The following MRRF variants were observed in gnomAD, a reference collection of about 807,000 sequenced individuals.
MRRF encodes the protein mitochondrial ribosome recycling factor.
A neutral mutation model predicts 25.1 loss-of-function variants in MRRF; 18 were observed. That is an observed-to-expected ratio of 0.72 (90% CI 0.50 to 1.06). MRRF has a LOEUF of 1.06. Among genes scored for constraint, MRRF ranks in the 50% least tolerant of loss-of-function variants. The probability of loss-of-function intolerance (pLI) is 0.00; values close to 1 mark genes in which losing one functional copy is unlikely to be tolerated. For synonymous variants in MRRF, 113 were observed against 112.1 expected, an observed-to-expected ratio of 1.01 and a Z score of -0.05; for missense variants, 323 against 319.3, an observed-to-expected ratio of 1.01 and a Z score of -0.09.
intron 1 of MRRF, among the ~76,000 whole-genome samples, chr9:122,267,974 C>T (rs1280280595): frequency 1.3e-5 from 2 of 152,204 alleles, no homozygotes; most frequent in Admixed American, 1.3e-4. Context: ...TTCCAGACTG[C>T]GTCCAAAGCT....
rs368886881 is a variant in MRRF, at chr9:122,280,501, T to C, written c.243T>C (p.Asp81=). 76 of 1,613,928 alleles carry C rather than the reference T, an allele frequency of 4.7e-5. No homozygotes were observed. Among genetic ancestry groups the C allele is most frequent in the Non-Finnish European group, 6.0e-5 (71 of 1,179,920 alleles). ...ATATTAATGCTGCCTTGGTTGAGGA[T>C]ATAATCAACTTGGAAGAGGTGAATG... ...RVNINAALVE[D]IINLEEVNEE... Residue 81 remains aspartate, a synonymous_variant, in exon 3 of 7, where the codon GAT becomes GAC. Transcript: ENST00000344641.
intron 1 of MRRF, among the ~76,000 whole-genome samples, chr9:122,268,404 C>G (rs1388578228): frequency 6.6e-6 from 1 of 152,114 alleles, no homozygotes; most frequent in Non-Finnish European, 1.5e-5. Context: ...ACCCTGTAGA[C>G]TAAAATAAAA....
At position 122,325,660 on chromosome 9, in the gene MRRF, G is replaced by A. The variant is rs1176222291; in HGVS notation, c.*3043G>A. ...TGTGTGTGTGTGTGTGTGTGTGTGT[G>A]TGTGTGTGTGTGTGTGTGTGTGTGT... is the stretch of plus-strand genomic sequence containing the variant. On this transcript the variant is annotated 3_prime_UTR_variant, in exon 7 of 7. Coordinates refer to ENST00000344641, the MANE Select transcript of MRRF (RefSeq NM_138777.5). 6.7e-6 allele frequency: 1 copy of A among 149,278 alleles called. No individual in the cohort carries two copies. Among genetic ancestry groups the A allele is most frequent in the East Asian group, 2.0e-4 (1 of 5,110 alleles). 9.2% of individuals were successfully genotyped at this position (149,278 alleles called of 1,614,324 possible). A position where few individuals can be genotyped will look rare whatever the true frequency, so the allele number is the denominator to read the frequency against.
intron 6 of MRRF, among the ~76,000 whole-genome samples, chr9:122,316,989 G>A (rs1277993210): frequency 6.6e-6 from 1 of 151,162 alleles, no homozygotes; most frequent in African/African-American, 2.4e-5. Context: ...AATAGTTGGT[G>A]GTGTGCTGTT....
chr9:122,301,417 T>G (rs1272396203), intron 5 of MRRF, among the ~76,000 whole-genome samples: 1 of 152,170 alleles, frequency 6.6e-6, no homozygotes. Flanking sequence ...AGAAAAACTC[T>G]AAAAAGAAAA....
intron 4 of MRRF, among the ~76,000 whole-genome samples, chr9:122,288,495 C>T (rs1299792166): frequency 6.6e-6 from 1 of 152,218 alleles, no homozygotes; most frequent in Non-Finnish European, 1.5e-5. Flanking sequence ...AGGATTTGAA[C>T]ATATCTCTGT....
chr9:122,308,390 T>TC (rs1270307348), intron 5 of MRRF, among the ~76,000 whole-genome samples: 2 of 151,328 alleles, frequency 1.3e-5, no homozygotes, highest in Non-Finnish European at 3.0e-5. Flanking sequence ...TTAGTCTTTT[T>TC]TTTTTTTTTT....
chr9:122,305,480 C>T (rs1180823562), intron 5 of MRRF, among the ~76,000 whole-genome samples: 1 of 151,342 alleles, frequency 6.6e-6, no homozygotes, highest in Non-Finnish European at 1.5e-5. Context: ...ACTTTCTAAT[C>T]TGTAAAATCC....
intron 1 of MRRF, among the ~76,000 whole-genome samples, chr9:122,269,581 G>A (rs183479399): frequency 2.4e-4 from 37 of 152,110 alleles, no homozygotes; most frequent in Admixed American, 7.2e-4. Context: ...AAAAAAATTC[G>A]CTGGGCATGG....
At chr9:122,291,501 G>A (rs1833766493) in intron 4 of MRRF, among the ~76,000 whole-genome samples, 1 of 152,178 alleles carries the variant, frequency 6.6e-6, no homozygotes, top group Admixed American at 6.5e-5. Context: ...CAAAGAGGCA[G>A]AGCTGTTTTC....
intron 4 of MRRF, among the ~76,000 whole-genome samples, chr9:122,289,499 A>T (rs1241664985): frequency 6.6e-6 from 1 of 152,056 alleles, no homozygotes; most frequent in East Asian, 1.9e-4. Flanking sequence ...AGTGATTATC[A>T]GTCATTCATG....
In MRRF at chr9:122,324,850, C is replaced by G. The variant is rs763548423; in HGVS notation, c.*2233C>G. Reference sequence around the variant, plus strand: ...GGTCAAAGTTAAACTAACACAGTCTCCTGCCCCACTTACCTGTCCTCTAAC... The same window carrying G: ...GGTCAAAGTTAAACTAACACAGTCTGCTGCCCCACTTACCTGTCCTCTAAC... On this transcript the variant is annotated 3_prime_UTR_variant, in exon 7 of 7. Coordinates refer to ENST00000344641, the MANE Select transcript of MRRF (RefSeq NM_138777.5). The G allele has an allele frequency of 6.6e-6, 1 of 152,264 alleles. No individual in the cohort carries two copies. The highest frequency in any genetic ancestry group is 1.5e-5 in the Non-Finnish European group (1 of 68,082). The allele number at this position is 152,264 out of a possible 1,614,324, so 9.4% of individuals were successfully genotyped here. A position where few individuals can be genotyped will look rare whatever the true frequency, so the allele number is the denominator to read the frequency against.
intron 2 of MRRF, among the ~76,000 whole-genome samples, chr9:122,277,166 T>G (rs758968151): frequency 3.3e-5 from 5 of 152,222 alleles, no homozygotes; most frequent in Non-Finnish European, 7.3e-5. Context: ...AGCCAGTTTC[T>G]TCTTTTAATT....
At chr9:122,273,283 T>C (rs1361713682) in intron 2 of MRRF, among the ~76,000 whole-genome samples, 2 of 151,868 alleles carry the variant, frequency 1.3e-5, no homozygotes, top group Admixed American at 1.3e-4. Flanking sequence ...AAGCCCTGTC[T>C]CTACAAAAAT....
chr9:122,317,542 G>C (rs907074013), intron 6 of MRRF, among the ~76,000 whole-genome samples: 26 of 152,050 alleles, frequency 1.7e-4, no homozygotes, highest in Non-Finnish European at 2.9e-4. Flanking sequence ...ACATTCATTA[G>C]AATCTACATA....
intron 5 of MRRF, among the ~76,000 whole-genome samples, chr9:122,310,803 A>G (rs1189993219): frequency 6.6e-6 from 1 of 152,228 alleles, no homozygotes; most frequent in Admixed American, 6.5e-5. Flanking sequence ...GAAGCCTGGA[A>G]TACAAACTCT....
Position 122,280,520 on chromosome 9 carries a change from G to A in MRRF, c.262G>A (p.Val88Met), listed in dbSNP as rs1167135618. ...LVEDIINLEE[V>M]NEEMKSVIEA... ...TGAGGATATAATCAACTTGGAAGAGGTGAATGAAGAAATGAAGTCTGTGAT... is the reference window on the plus strand; with the variant it reads ...TGAGGATATAATCAACTTGGAAGAGATGAATGAAGAAATGAAGTCTGTGAT... Residue 88 changes from valine (V) to methionine (M), a missense_variant, in exon 3 of 7, where the codon GTG (valine) becomes ATG (methionine). Val to Met is a conservative substitution (Grantham distance 21). Coordinates refer to ENST00000344641, the MANE Select transcript of MRRF (RefSeq NM_138777.5). 3 of 1,613,874 alleles carry A rather than the reference G, an allele frequency of 1.9e-6. No homozygotes were observed. The highest frequency in any genetic ancestry group is 1.7e-6 in the Non-Finnish European group (2 of 1,179,764).
chr9:122,313,201 G>A, intron 5 of MRRF, 26 bp from the exon 6 acceptor site: 1 of 1,611,360 alleles, frequency 6.2e-7, no homozygotes, highest in Non-Finnish European at 8.5e-7. Context: ...GAATGATTTT[G>A]TTGAATGTCT....
At chr9:122,303,530 C>T (rs1290626127) in intron 5 of MRRF, among the ~76,000 whole-genome samples, 1 of 151,966 alleles carries the variant, frequency 6.6e-6, no homozygotes, top group East Asian at 1.9e-4. Flanking sequence ...CAGGCATGAG[C>T]CACCAAGCCT....
Sources: gnomAD v4.1 joint callset for allele counts (sites outside exome capture counted in the v4.1 genomes callset) on GRCh38, gnomAD v4.1.1 for gene constraint, MANE v1.5 for transcripts, NCBI Gene and HGNC (gene_info 2026-07-23, HGNC 2026-07-21) for gene names.